Variants in SHOC1 observed in about 807,000 individuals in gnomAD.
SHOC1 encodes the protein protein shortage in chiasmata 1 ortholog.
Under a neutral mutation model 179.2 loss-of-function variants are expected in SHOC1, and 136 were observed. That is an observed-to-expected ratio of 0.76 (90% confidence interval 0.66 to 0.87). The LOEUF (loss-of-function observed/expected upper bound fraction) is 0.87, where lower values mean the gene tolerates loss of function less well. Among genes scored for constraint, SHOC1 ranks in the 40% least tolerant of loss-of-function variants. The pLI is 0.00. For missense variants in SHOC1, 1,538 were observed against 1,700.8 expected (o/e 0.90, Z 1.68); for synonymous variants, 489 against 586.6 (o/e 0.83, Z 2.41).
chr9:111,776,386 T>C (rs1191703735), intron 4 of SHOC1, among the ~76,000 whole-genome samples: 1 of 152,220 alleles, frequency 6.6e-6, no homozygotes, highest in Non-Finnish European at 1.5e-5. Context: ...AAAGAACATC[T>C]ATATGCACTA....
chr9:111,785,179 C>T (rs1836219216), intron 3 of SHOC1, among the ~76,000 whole-genome samples: 1 of 152,138 alleles, frequency 6.6e-6, no homozygotes, highest in Non-Finnish European at 1.5e-5. Flanking sequence ...TTGTTGCTTT[C>T]CCATGATTCA....
intron 5 of SHOC1, among the ~76,000 whole-genome samples, chr9:111,771,272 A>G (rs1222871283): frequency 6.6e-6 from 1 of 152,190 alleles, no homozygotes; most frequent in Admixed American, 6.5e-5. Flanking sequence ...AAAGAAAGGA[A>G]TAGAAACAAA....
chr9:111,737,395 G>A (rs982321053), intron 12 of SHOC1, among the ~76,000 whole-genome samples: 3 of 152,236 alleles, frequency 2.0e-5, no homozygotes, highest in East Asian at 1.9e-4. Flanking sequence ...GGCTGGGCAC[G>A]GTGGCTCATG....
At chr9:111,718,724 A>G (rs1432900252) in intron 15 of SHOC1, among the ~76,000 whole-genome samples, 2 of 152,226 alleles carry the variant, frequency 1.3e-5, no homozygotes, top group Non-Finnish European at 2.9e-5. Flanking sequence ...GAGGATCATA[A>G]CATGAAGAAA....
In SHOC1 at chr9:111,692,014, G is replaced by A. The variant is rs1337983838; in HGVS notation, c.3963C>T (p.Pro1321=). 1.2e-6 allele frequency: 2 copies of A among 1,612,958 alleles called. No homozygotes were observed. The highest frequency in any genetic ancestry group is 2.7e-5 in the African/African-American group (2 of 74,754). ...TCCTTTTCTGAGAATTTATAAAACG[G>A]GGGACAACTGACACTCTCTTCTGAG... ...TDTQKRVSVV[P]RFINSQKRRT... is the part of the protein sequence containing the mutation. The change falls in exon 27 of 28, where the codon CCC becomes CCT. Residue 1321 remains proline (P), a synonymous_variant. Transcript: ENST00000682961.
At chr9:111,700,199 C>CCGAGA in intron 23 of SHOC1, 152 bp from the exon 24 acceptor site, 1 of 462,888 alleles carries the variant, frequency 2.2e-6, no homozygotes, top group South Asian at 4.6e-5. Flanking sequence ...TTTTTTTCCA[C>CCGAGA]TCTGTACTCT....
chr9:111,787,447 A>G (rs1223569718), intron 2 of SHOC1, among the ~76,000 whole-genome samples: 1 of 152,232 alleles, frequency 6.6e-6, no homozygotes, highest in African/African-American at 2.4e-5. Flanking sequence ...GATGACTTTC[A>G]GGGATTCAAG....
chr9:111,751,330 T>C (rs1315819390), intron 8 of SHOC1, among the ~76,000 whole-genome samples: 1 of 152,170 alleles, frequency 6.6e-6, no homozygotes, highest in Non-Finnish European at 1.5e-5. Flanking sequence ...ATTTGGGCTG[T>C]TTTTTGGTTC....
chr9:111,771,985 C>T (rs957030334), intron 5 of SHOC1, among the ~76,000 whole-genome samples: 9 of 152,012 alleles, frequency 5.9e-5, no homozygotes, highest in Non-Finnish European at 7.4e-5. Context: ...TGTATTTTTT[C>T]TTTCTGCCCT....
Position 111,738,319 on chromosome 9 carries a change from T to C in SHOC1, c.1378A>G (p.Ile460Val). Residue 460 changes from isoleucine to valine, a missense_variant, in exon 12 of 28, where the codon ATT becomes GTT. Physicochemically the swap from Ile to Val is conservative, Grantham distance 29. Coordinates refer to ENST00000682961, the MANE Select transcript of SHOC1 (RefSeq NM_001378211.1). ...ACTTTCGTAGGCAAAAATATCTCAA[T>C]TTTAGTGTCATTAGAAGACAAATTA... ...HDNLSSNDTK[I>V]EIFLPTKVLQ... The C allele has an allele frequency of 6.2e-7, 1 of 1,612,054 alleles. No individual in the cohort carries two copies. The highest frequency in any genetic ancestry group is 8.5e-7 in the Non-Finnish European group (1 of 1,179,240).
At position 111,704,010 on chromosome 9, in the gene SHOC1, CT is replaced by C. The variant is rs759534807; in HGVS notation, c.2856-19del. 4 of 1,326,426 alleles carry C rather than the reference CT, an allele frequency of 3.0e-6. No homozygotes were observed. In the African/African-American group the frequency reaches 5.9e-5, roughly 19 times the overall value. 82.2% of individuals were successfully genotyped at this position (1,326,426 alleles called of 1,614,324 possible). A position where few individuals can be genotyped will look rare whatever the true frequency, so the allele number is the denominator to read the frequency against. On this transcript the variant is annotated intron_variant, in intron 21 of 27. Coordinates refer to ENST00000682961, the MANE Select transcript of SHOC1 (RefSeq NM_001378211.1). ...TGTTATAGCTGTAAAATACAATATTCTTGAGTGAAAAAATGAAATGCTAATA... is the reference window on the plus strand; with the variant it reads ...TGTTATAGCTGTAAAATACAATATTCTGAGTGAAAAAATGAAATGCTAATA...
At chr9:111,789,258 G>A (rs1238680678) in intron 2 of SHOC1, among the ~76,000 whole-genome samples, 1 of 151,856 alleles carries the variant, frequency 6.6e-6, no homozygotes, top group Non-Finnish European at 1.5e-5. Context: ...ATCAAATAAG[G>A]ACCAAAGATT....
At chr9:111,696,981 A>G (rs1831726793) in intron 24 of SHOC1, among the ~76,000 whole-genome samples, 1 of 152,218 alleles carries the variant, frequency 6.6e-6, no homozygotes, top group African/African-American at 2.4e-5. Flanking sequence ...CACTTAGTAG[A>G]CATTTATTGA....
chr9:111,736,042 A>C (rs1487824142), intron 12 of SHOC1, among the ~76,000 whole-genome samples: 1 of 152,208 alleles, frequency 6.6e-6, no homozygotes, highest in Non-Finnish European at 1.5e-5. Flanking sequence ...AGAACTACAA[A>C]ACACTGCTGA....
chr9:111,704,253 A>G (rs371106782), intron 21 of SHOC1, among the ~76,000 whole-genome samples: 3 of 152,342 alleles, frequency 2.0e-5, no homozygotes, highest in African/African-American at 7.2e-5. Flanking sequence ...GTTTTGACCA[A>G]TTTATTCCAG....
chr9:111,767,551 GT>G (rs926522808), intron 5 of SHOC1, among the ~76,000 whole-genome samples: 1 of 152,078 alleles, frequency 6.6e-6, no homozygotes, highest in Admixed American at 6.6e-5. Context: ...TTATATGTCT[GT>G]TTTTATGCCA....
chr9:111,778,382 TAAAC>T (rs1168443768), intron 4 of SHOC1, among the ~76,000 whole-genome samples: 2 of 152,128 alleles, frequency 1.3e-5, no homozygotes, highest in African/African-American at 4.8e-5. Context: ...AATGGGGTGG[TAAAC>T]AAAACAAAGT....
intron 4 of SHOC1, among the ~76,000 whole-genome samples, 155 bp downstream of exon 4, chr9:111,780,775 T>C (rs947055789): frequency 6.6e-6 from 1 of 152,246 alleles, no homozygotes; most frequent in South Asian, 2.1e-4. Context: ...TATTAACCAC[T>C]CCTTTGTGGT....
intron 18 of SHOC1, among the ~76,000 whole-genome samples, chr9:111,711,606 G>A (rs1173093621): frequency 6.6e-6 from 1 of 152,096 alleles, no homozygotes; most frequent in East Asian, 1.9e-4. Context: ...CTACAACAAT[G>A]GTAGGGAAGG....
Sources: allele counts gnomAD v4.1 joint callset (sites outside exome capture counted in the v4.1 genomes callset), GRCh38; gene constraint gnomAD v4.1.1; transcripts MANE v1.5; gene names NCBI Gene and HGNC (gene_info 2026-07-23, HGNC 2026-07-21).